The following ADAMTS9 variants were observed in gnomAD, a reference collection of about 807,000 sequenced individuals.
ADAMTS9 encodes the protein ADAM metallopeptidase with thrombospondin type 1 motif 9.
ADAMTS9 carries 107 observed loss-of-function variants against 257.1 expected under a neutral mutation model. The ratio of observed to expected loss-of-function variants is 0.42; its 90% CI spans 0.36 to 0.49. ADAMTS9 has a LOEUF of 0.49. Ranked by LOEUF, ADAMTS9 falls within the 20% of genes least tolerant of loss-of-function variation. The probability of loss-of-function intolerance (pLI) is 0.03; values close to 1 mark genes in which losing one functional copy is unlikely to be tolerated. For missense variants in ADAMTS9, 2,353 were observed against 2,469.1 expected, an observed-to-expected ratio of 0.95 and a Z score of 1.00; for synonymous variants, 982 against 880.9, an observed-to-expected ratio of 1.11 and a Z score of -2.03.
Position 64,686,617 on chromosome 3 carries a change from A to G in ADAMTS9, c.467T>C (p.Val156Ala). Residue 156 changes from valine to alanine, a missense_variant, in exon 2 of 40, where the codon GTC becomes GCC. Val to Ala is a moderately conservative substitution (Grantham distance 64). This residue lies in a region of ADAMTS9 where 591 missense variants were observed against 569.6 expected (regional missense o/e 1.04). Coordinates refer to ENST00000498707, the MANE Select transcript of ADAMTS9 (RefSeq NM_182920.2). The surrounding 1 kb of genome is among the most constrained non-coding windows in gnomAD (Gnocchi z 4.6). ...GGCCGTGTGCTCGGAGTTGGTATTG[A>G]CATAGCCTTTGTAGAAACAGTGCTT... ...ELKHCFYKGY[V>A]NTNSEHTAVI... is the part of the protein sequence containing the mutation. The G allele has an allele frequency of 6.2e-7, 1 of 1,613,914 alleles. No homozygotes were observed. The highest frequency in any genetic ancestry group is 8.5e-7 in the Non-Finnish European group (1 of 1,179,960).
chr3:64,567,533 G>C (rs190081903), intron 29 of ADAMTS9, among the ~76,000 whole-genome samples: 1 of 152,282 alleles, frequency 6.6e-6, no homozygotes, highest in African/African-American at 2.4e-5. Context: ...CTAAGGATTT[G>C]ATATGAACGG....
intron 12 of ADAMTS9, 84 bp downstream of exon 12, chr3:64,641,764 A>T: frequency 6.5e-7 from 1 of 1,546,318 alleles, no homozygotes; most frequent in South Asian, 1.2e-5. Flanking sequence ...GTTGGAATGT[A>T]CTCTTCACCC....
chr3:64,655,633 T>C lies in ADAMTS9; in HGVS notation c.1112A>G (p.Gln371Arg), dbSNP rs568698603. ...QTTLKNFCQWQHSKNSPGGIH... is the reference protein window; with the variant it reads ...QTTLKNFCQWRHSKNSPGGIH... ...TCCACCTGGACTGTTCTTCGAATGC[T>C]GCCACTGGCAAAAGTTTTTTAATGT... Residue 371 changes from glutamine (Q) to arginine (R), a missense_variant, in exon 6 of 40, where the codon CAG becomes CGG. This residue lies in a region of ADAMTS9 where 591 missense variants were observed against 569.6 expected (regional missense o/e 1.04). Transcript: ENST00000498707. 37 of 1,614,208 alleles carry C rather than the reference T, an allele frequency of 2.3e-5. 1 individual carries two copies. The South Asian group carries it at 4.0e-4, about 17-fold the overall frequency.
chr3:64,631,389 G>T, intron 16 of ADAMTS9, 66 bp downstream of exon 16: 3 of 1,252,568 alleles, frequency 2.4e-6, no homozygotes, highest in South Asian at 2.4e-5. Flanking sequence ...AGAGAAGGAA[G>T]GAAGCAGTAT....
chr3:64,527,496 G>C (rs2082924981), intron 38 of ADAMTS9, among the ~76,000 whole-genome samples: 1 of 152,030 alleles, frequency 6.6e-6, no homozygotes, highest in Admixed American at 6.6e-5. Flanking sequence ...TGGGGATTTT[G>C]ATAAGAAAAT....
At chr3:64,559,630 T>G (rs2083386954) in intron 30 of ADAMTS9, among the ~76,000 whole-genome samples, 1 of 152,218 alleles carries the variant, frequency 6.6e-6, no homozygotes, top group African/African-American at 2.4e-5. Flanking sequence ...ACAGGAATAT[T>G]TGAGTAAGGT....
At chr3:64,616,458 AAC>A (rs1336248849) in intron 19 of ADAMTS9, among the ~76,000 whole-genome samples, 1 of 152,228 alleles carries the variant, frequency 6.6e-6, no homozygotes, top group Non-Finnish European at 1.5e-5. Context: ...CCAAAAGGAA[AAC>A]ATTTTTTTCA....
chr3:64,622,171 C>A (rs1474915153), intron 18 of ADAMTS9, 27 bp downstream of exon 18: 1 of 1,573,700 alleles, frequency 6.4e-7, no homozygotes, highest in Non-Finnish European at 8.6e-7. Flanking sequence ...TTCTCAAATC[C>A]CCAGAACTCA....
chr3:64,604,400 G>T, intron 23 of ADAMTS9, 69 bp from the exon 24 acceptor site: 1 of 1,157,042 alleles, frequency 8.6e-7, no homozygotes, highest in Non-Finnish European at 1.2e-6. Flanking sequence ...TAATGGTCAT[G>T]GTGGATAAAA....
chr3:64,606,885 T>A, intron 23 of ADAMTS9, 75 bp downstream of exon 23: 1 of 1,575,564 alleles, frequency 6.3e-7, no homozygotes, highest in Non-Finnish European at 8.6e-7. Flanking sequence ...AGGATTTCAA[T>A]TTTGTCTAAA....
chr3:64,530,833 T>C (rs1299526021), intron 38 of ADAMTS9, among the ~76,000 whole-genome samples: 2 of 152,288 alleles, frequency 1.3e-5, no homozygotes, highest in East Asian at 1.9e-4. Flanking sequence ...GCAGTGGCAC[T>C]AGACAGGCAA....
At position 64,633,752 on chromosome 3, in the gene ADAMTS9, A is replaced by G; in HGVS notation, c.1984T>C (p.Phe662Leu). The G allele has an allele frequency of 1.2e-6, 2 of 1,613,448 alleles. No homozygotes were observed. The highest frequency in any genetic ancestry group is 2.2e-5 in the South Asian group (2 of 91,024). The change falls in exon 13 of 40, where the codon TTT becomes CTT. Residue 662 changes from phenylalanine to leucine, a missense_variant. Physicochemically the swap from Phe to Leu is conservative, Grantham distance 22. Transcript: ENST00000498707. ...TTGGGAAGCAGACCGTTGATGTTAA[A>G]ATGCTTCCCGTCAAAGTGAGCACAC... ...EQCAHFDGKH[F>L]NINGLLPNVR...
At chr3:64,629,811 T>C (rs912041273) in intron 16 of ADAMTS9, among the ~76,000 whole-genome samples, 7 of 152,244 alleles carry the variant, frequency 4.6e-5, no homozygotes, top group Non-Finnish European at 5.9e-5. Flanking sequence ...GAATGAATAG[T>C]GATAGCAAAT....
intron 30 of ADAMTS9, among the ~76,000 whole-genome samples, chr3:64,553,931 G>A (rs2083300216): frequency 6.6e-6 from 1 of 151,908 alleles, no homozygotes. Flanking sequence ...GTGAGATAGA[G>A]GGCCACCGAA....
In ADAMTS9 at chr3:64,541,464, GA is replaced by G. The variant is rs1323992365; in HGVS notation, c.5293-51del. Reference sequence around the variant, plus strand: ...AAGAGTGGCTCAGAAATGAGGTAATGAGAGCGGTGATCACTCACTCTAAAAA... The same window carrying G: ...AAGAGTGGCTCAGAAATGAGGTAATGGAGCGGTGATCACTCACTCTAAAAA... On this transcript the variant is annotated intron_variant, in intron 34 of 39. Transcript: ENST00000498707. 3 of 1,606,294 alleles carry G rather than the reference GA, an allele frequency of 1.9e-6. No homozygotes were observed. The African/African-American group carries it at 4.0e-5, about 21-fold the overall frequency.
intron 22 of ADAMTS9, among the ~76,000 whole-genome samples, chr3:64,612,653 T>C (rs1182895132): frequency 1.3e-5 from 2 of 152,184 alleles, no homozygotes; most frequent in Non-Finnish European, 2.9e-5. Flanking sequence ...GCTGTTCTAC[T>C]TCTAATGGGA....
At chr3:64,639,301 T>TTTTTG in intron 12 of ADAMTS9, among the ~76,000 whole-genome samples, 1 of 144,456 alleles carries the variant, frequency 6.9e-6, no homozygotes, top group Admixed American at 6.8e-5. Flanking sequence ...TTGTTTTTTT[T>TTTTTG]TTTTTTTTTT....
At chr3:64,619,300 G>A (rs562313209) in intron 19 of ADAMTS9, among the ~76,000 whole-genome samples, 15 of 152,000 alleles carry the variant, frequency 9.9e-5, no homozygotes, top group Admixed American at 4.6e-4. Context: ...AACAGGGATG[G>A]GGCAAAAAAA....
intron 12 of ADAMTS9, among the ~76,000 whole-genome samples, chr3:64,638,332 G>A (rs1337875618): frequency 6.6e-6 from 1 of 152,148 alleles, no homozygotes; most frequent in Non-Finnish European, 1.5e-5. Flanking sequence ...GGGCCCAAAA[G>A]CCTGAAAATA....
Sources: allele counts gnomAD v4.1 joint callset (sites outside exome capture counted in the v4.1 genomes callset), GRCh38; gene constraint gnomAD v4.1.1; regional missense constraint gnomAD v4.1.1; non-coding constraint Gnocchi (gnomAD v3.1); transcripts MANE v1.5; gene names NCBI Gene and HGNC (gene_info 2026-07-23, HGNC 2026-07-21).